The following SIVA1 variants were observed in gnomAD, a reference collection of about 807,000 sequenced individuals.
The protein encoded by SIVA1 is apoptosis regulatory protein Siva.
SIVA1 carries 10 observed loss-of-function variants against 19.7 expected under a neutral mutation model. That is an observed-to-expected ratio of 0.51 (90% confidence interval 0.31 to 0.86). SIVA1 has a LOEUF of 0.86. Ranked by LOEUF, SIVA1 falls within the 40% of genes least tolerant of loss-of-function variation. The pLI is 0.04. For missense variants in SIVA1, 241 were observed against 245.2 expected, an observed-to-expected ratio of 0.98 and a Z score of 0.11; for synonymous variants, 130 against 106.1, an observed-to-expected ratio of 1.23 and a Z score of -1.39.
In SIVA1 at chr14:104,756,736, C is replaced by T. The variant is rs142780435; in HGVS notation, c.446C>T (p.Ala149Val). 19 of 1,613,268 alleles carry T rather than the reference C, an allele frequency of 1.2e-5. No individual in the cohort carries two copies. Among genetic ancestry groups the T allele is most frequent in the Middle Eastern group, 3.3e-4 (2 of 6,056 alleles). The stretch of plus-strand genomic sequence containing the variant: ...ACCTGCTGGGGCTGCGGCTCCGTGG[C>T]CTGTACCCTGTGTGGCCTCGTGGAG... ...VRTCWGCGSV[A>V]CTLCGLVDCS... The change falls in exon 3 of 4, where the codon GCC (alanine) becomes GTC (valine). Residue 149 changes from alanine (A) to valine (V), a missense_variant. Transcript: ENST00000329967.
intron 2 of SIVA1, 183 bp from the exon 3 acceptor site, chr14:104,756,421 T>A: frequency 1.6e-6 from 1 of 628,410 alleles, no homozygotes; most frequent in Non-Finnish European, 2.8e-6. Flanking sequence ...ATCTCTGTAG[T>A]AAAACGGGGG....
Position 104,759,305 on chromosome 14 carries a change from C to A in SIVA1, c.471-123C>A. 1.3e-6 allele frequency: 1 copy of A among 746,958 alleles called. No individual in the cohort carries two copies. The allele number at this position is 746,958 out of a possible 1,614,324, so 46.3% of individuals were successfully genotyped here. On this transcript the variant is annotated intron_variant, in intron 3 of 3. Coordinates refer to ENST00000329967, the MANE Select transcript of SIVA1 (RefSeq NM_006427.4). This position sits in a 1 kb window ranked among gnomAD's most constrained non-coding sequence, Gnocchi z 4.2. Reference sequence around the variant, plus strand: ...GATGATGCCCGCAGTGATCCTGTCTCCAGATAAGGTCATGTCCTGAGGTGT... The same window carrying A: ...GATGATGCCCGCAGTGATCCTGTCTACAGATAAGGTCATGTCCTGAGGTGT...
chr14:104,754,508 T>C (rs1891820157), intron 1 of SIVA1, among the ~76,000 whole-genome samples: 1 of 152,180 alleles, frequency 6.6e-6, no homozygotes, highest in African/African-American at 2.4e-5. Context: ...AAATGGGGCC[T>C]GGCTCAGTAT....
At chr14:104,754,322 C>T (rs562425681) in intron 1 of SIVA1, among the ~76,000 whole-genome samples, 82 of 152,254 alleles carry the variant, frequency 5.4e-4, no homozygotes, top group Admixed American at 5.0e-3. Context: ...CTCTGCCTCC[C>T]GAGGTTCCTC....
chr14:104,753,170 C>T lies in SIVA1; in HGVS notation c.-32C>T, dbSNP rs1448569494. The stretch of plus-strand genomic sequence containing the variant: ...GCGTCGTTGGTAAGGGGCTGGCGGC[C>T]GGGGAGCTGCGTAGCTCCCGGCCCC... On this transcript the variant is annotated 5_prime_UTR_variant, in exon 1 of 4. Transcript: ENST00000329967. 3 of 1,422,444 alleles carry T rather than the reference C, an allele frequency of 2.1e-6. No homozygotes were observed. Among genetic ancestry groups the T allele is most frequent in the African/African-American group, 2.9e-5 (2 of 68,652 alleles). The allele number at this position is 1,422,444 out of a possible 1,614,324, so 88.1% of individuals were successfully genotyped here.
In SIVA1 at chr14:104,753,192, C is replaced by T. The variant is rs748341446; in HGVS notation, c.-10C>T. The T allele has an allele frequency of 5.8e-6, 9 of 1,546,910 alleles. No homozygotes were observed. Among genetic ancestry groups the T allele is most frequent in the Admixed American group, 1.9e-5 (1 of 53,482 alleles). ...GGCCGGGGAGCTGCGTAGCTCCCGG[C>T]CCCGCGGCCATGCCCAAGCGGAGCT... On this transcript the variant is annotated 5_prime_UTR_variant, in exon 1 of 4. Coordinates refer to ENST00000329967, the MANE Select transcript of SIVA1 (RefSeq NM_006427.4).
Position 104,759,371 on chromosome 14 carries a change from G to A in SIVA1, c.471-57G>A, listed in dbSNP as rs1892009822. ...TGACGTTTGAATGGTGGGGGGTGGT[G>A]GACACAATTCAGCCCCTGACAGCAG... On this transcript the variant is annotated intron_variant, in intron 3 of 3. Transcript: ENST00000329967. The surrounding 1 kb of genome is among the most constrained non-coding windows in gnomAD (Gnocchi z 4.2). 2.0e-6 allele frequency: 3 copies of A among 1,466,598 alleles called. No individual in the cohort carries two copies. Among genetic ancestry groups the A allele is most frequent in the South Asian group, 1.2e-5 (1 of 84,538 alleles). 90.8% of individuals were successfully genotyped at this position (1,466,598 alleles called of 1,614,324 possible). A position where few individuals can be genotyped will look rare whatever the true frequency, so the allele number is the denominator to read the frequency against.
chr14:104,755,034 C>A lies in SIVA1; in HGVS notation c.119-596C>A, dbSNP rs141327378. ...TGTGGCCTGATGGAAAACCACTGCT[C>A]CCAGGGATGGGTGGGTGTTCTAGAA... On this transcript the variant is annotated intron_variant, in intron 1 of 3. Transcript: ENST00000329967. Among the ~76,000 whole-genome samples, 1,103 of 152,284 alleles carry A rather than the reference C, an allele frequency of 7.2e-3. 6 individuals are homozygous for A. Among genetic ancestry groups the A allele is most frequent in the Non-Finnish European group, 0.012 (833 of 68,010 alleles).
chr14:104,757,619 G>A (rs1374726666), intron 3 of SIVA1: 1 of 155,938 alleles, frequency 6.4e-6, no homozygotes, highest in Non-Finnish European at 1.4e-5. Flanking sequence ...TCCAGGTTGG[G>A]AATCATCTGC....
chr14:104,756,413 C>T (rs1891890565), intron 2 of SIVA1, 191 bp from the exon 3 acceptor site: 1 of 617,490 alleles, frequency 1.6e-6, no homozygotes, highest in African/African-American at 1.8e-5. Context: ...CACCTTGGAT[C>T]TCTGTAGTAA....
At chr14:104,755,185 C>A (rs774786711) in intron 1 of SIVA1, among the ~76,000 whole-genome samples, 1 of 152,142 alleles carries the variant, frequency 6.6e-6, no homozygotes, top group East Asian at 1.9e-4. Context: ...TGGCAGGGGA[C>A]GAGTTTTGTG....
In SIVA1 at chr14:104,753,213, G is replaced by T. The variant is rs759984749; in HGVS notation, c.12G>T (p.Arg4=). The T allele has an allele frequency of 5.1e-6, 8 of 1,576,678 alleles. No homozygotes were observed. Among genetic ancestry groups the T allele is most frequent in the Admixed American group, 1.8e-5 (1 of 54,736 alleles). The change falls in exon 1 of 4, where the codon CGG becomes CGT. Residue 4 remains arginine (R), a synonymous_variant. Transcript: ENST00000329967. ...CCGGCCCCGCGGCCATGCCCAAGCG[G>T]AGCTGCCCCTTCGCGGACGTGGCCC... MPK[R]SCPFADVAPL...
intron 1 of SIVA1, 30 bp downstream of exon 1, chr14:104,753,349 G>C (rs1341735711): frequency 6.8e-7 from 1 of 1,464,616 alleles, no homozygotes; most frequent in South Asian, 1.2e-5. Flanking sequence ...CCGAGGGTCC[G>C]CTGCGTCGGG....
In SIVA1 at chr14:104,759,367, T is replaced by G. The variant is rs942746483; in HGVS notation, c.471-61T>G. The G allele has an allele frequency of 2.7e-5, 38 of 1,397,308 alleles. No homozygotes were observed. The highest frequency in any genetic ancestry group is 1.6e-4 in the African/African-American group (11 of 70,036). 86.6% of individuals were successfully genotyped at this position (1,397,308 alleles called of 1,614,324 possible). A position where few individuals can be genotyped will look rare whatever the true frequency, so the allele number is the denominator to read the frequency against. On this transcript the variant is annotated intron_variant, in intron 3 of 3. Coordinates refer to ENST00000329967, the MANE Select transcript of SIVA1 (RefSeq NM_006427.4). The surrounding 1 kb of genome is among the most constrained non-coding windows in gnomAD (Gnocchi z 4.2). ...ACTTTGACGTTTGAATGGTGGGGGG[T>G]GGTGGACACAATTCAGCCCCTGACA...
At chr14:104,757,439 G>A (rs1262146041) in intron 3 of SIVA1, 4 of 258,472 alleles carry the variant, frequency 1.5e-5, no homozygotes, top group Admixed American at 1.5e-4. Context: ...GAAACCACAT[G>A]TTACATCTCG....
chr14:104,754,840 A>G (rs1407633470), intron 1 of SIVA1, among the ~76,000 whole-genome samples: 1 of 152,174 alleles, frequency 6.6e-6, no homozygotes, highest in Non-Finnish European at 1.5e-5. Flanking sequence ...CAGCTACTCC[A>G]TGTGAGTTAC....
chr14:104,758,736 G>C (rs146168962), intron 3 of SIVA1: 1 of 152,144 alleles, frequency 6.6e-6, no homozygotes, highest in Admixed American at 6.5e-5. Flanking sequence ...GTGATCCTCC[G>C]GCCTCAGCCT....
rs1040271832 is a variant in SIVA1 at position 104,753,280 on chromosome 14, C to T, written c.79C>T (p.Arg27Cys). Residue 27 changes from arginine (R) to cysteine (C), a missense_variant, in exon 1 of 4, where the codon CGC becomes TGC. Coordinates refer to ENST00000329967, the MANE Select transcript of SIVA1 (RefSeq NM_006427.4). ...KVRVSQRELS[R>C]GVCAERYSQE... ...CCGCGTGAGCCAGAGGGAGTTGAGCCGCGGCGTGTGCGCCGAGCGCTACTC... is the reference window on the plus strand; with the variant it reads ...CCGCGTGAGCCAGAGGGAGTTGAGCTGCGGCGTGTGCGCCGAGCGCTACTC... 6.2e-7 allele frequency: 1 copy of T among 1,601,268 alleles called. No individual in the cohort carries two copies. Among genetic ancestry groups the T allele is most frequent in the South Asian group, 1.1e-5 (1 of 89,414 alleles).
At position 104,756,641 on chromosome 14, in the gene SIVA1, C is replaced by T. The variant is rs1261301418; in HGVS notation, c.351C>T (p.Cys117=). ...SGVASIACSS[C]VRAVDGKAVC... ...TAGCGTCCATTGCCTGTTCCTCATG[C>T]GTGCGAGCCGTGGATGGGAAGGCGG... Residue 117 remains cysteine, a synonymous_variant, in exon 3 of 4, where the codon TGC becomes TGT. Coordinates refer to ENST00000329967, the MANE Select transcript of SIVA1 (RefSeq NM_006427.4). The T allele has an allele frequency of 1.2e-5, 20 of 1,614,202 alleles. No homozygotes were observed. Among genetic ancestry groups the T allele is most frequent in the Non-Finnish European group, 1.6e-5 (19 of 1,180,036 alleles).
Sources: allele counts gnomAD v4.1 joint callset (sites outside exome capture counted in the v4.1 genomes callset), GRCh38; gene constraint gnomAD v4.1.1; non-coding constraint Gnocchi (gnomAD v3.1); transcripts MANE v1.5; gene names NCBI Gene and HGNC (gene_info 2026-07-23, HGNC 2026-07-21).